LMO7: variants seen among roughly 807,000 people sequenced by gnomAD.
LMO7 encodes LIM domain only protein 7.
In LMO7, 120 loss-of-function variants were observed where a neutral mutation model predicts 206.5. The ratio of observed to expected loss-of-function variants is 0.58; its 90% CI spans 0.50 to 0.68. The LOEUF is 0.68. Ranked by LOEUF, LMO7 falls within the 30% of genes least tolerant of loss-of-function variation. The pLI, the probability that LMO7 is intolerant of heterozygous loss-of-function variation, is 0.00. For missense variants in LMO7, 1,959 were observed against 1,957.9 expected, an observed-to-expected ratio of 1.00 and a Z score of -0.01; for synonymous variants, 706 against 681.5, an observed-to-expected ratio of 1.04 and a Z score of -0.56.
chr13:75,772,937 C>T (rs1459527103), intron 4 of LMO7, among the ~76,000 whole-genome samples: 1 of 151,938 alleles, frequency 6.6e-6, no homozygotes, highest in African/African-American at 2.4e-5. Context: ...TTTTAATGAG[C>T]CTTCAGGTCT....
At chr13:75,717,385 A>G (rs533556690) in intron 2 of LMO7, among the ~76,000 whole-genome samples, 2 of 146,656 alleles carry the variant, frequency 1.4e-5, no homozygotes, top group Admixed American at 6.8e-5. Flanking sequence ...AAAAAAACAC[A>G]CAAACAAAAA....
At chr13:75,673,213 C>CT (rs977925087) in intron 1 of LMO7, among the ~76,000 whole-genome samples, 20 of 151,950 alleles carry the variant, frequency 1.3e-4, no homozygotes, top group African/African-American at 4.6e-4. Flanking sequence ...GTGAATTCAC[C>CT]TTTTTTTTCA....
chr13:75,758,618 TA>T (rs1431671769), intron 3 of LMO7, among the ~76,000 whole-genome samples: 2 of 152,234 alleles, frequency 1.3e-5, no homozygotes, highest in African/African-American at 4.8e-5. Context: ...CAACTAAGTA[TA>T]GTCACTTTAG....
intron 4 of LMO7, among the ~76,000 whole-genome samples, chr13:75,766,520 A>G (rs1351479239): frequency 6.6e-6 from 1 of 151,354 alleles, no homozygotes; most frequent in Non-Finnish European, 1.5e-5. Flanking sequence ...TTACACAGAC[A>G]TAGATAAGAT....
At chr13:75,677,947 C>T (rs921446763) in intron 1 of LMO7, among the ~76,000 whole-genome samples, 1 of 152,022 alleles carries the variant, frequency 6.6e-6, no homozygotes, top group Non-Finnish European at 1.5e-5. Flanking sequence ...CCAGCTTCAT[C>T]CATGTCCCTA....
At position 75,823,801 on chromosome 13, in the gene LMO7, A is replaced by G. The variant is rs1045204558; in HGVS notation, c.2877A>G (p.Thr959=). ...AATSKATLSS[T]SGLDLMSESG... is the part of the protein sequence containing the mutation. Reference sequence around the variant, plus strand: ...CTTCTAAAGCCACATTGTCTTCCACATCTGGTCTTGATTTAATGTCTGAAT... The same window carrying G: ...CTTCTAAAGCCACATTGTCTTCCACGTCTGGTCTTGATTTAATGTCTGAAT... Residue 959 remains threonine, a synonymous_variant, in exon 15 of 31, where the codon ACA becomes ACG. Coordinates refer to ENST00000377534, the MANE Select transcript of LMO7 (RefSeq NM_001306080.2). The G allele has an allele frequency of 3.1e-6, 5 of 1,613,950 alleles. No homozygotes were observed. The highest frequency in any genetic ancestry group is 2.7e-5 in the African/African-American group (2 of 74,922).
At chr13:75,851,291 G>T (rs2060488478) in intron 27 of LMO7, among the ~76,000 whole-genome samples, 1 of 152,184 alleles carries the variant, frequency 6.6e-6, no homozygotes, top group South Asian at 2.1e-4. Flanking sequence ...CTGTGTTGTG[G>T]AATAATCCAT....
At chr13:75,669,307 A>G (rs2039339748) in intron 1 of LMO7, among the ~76,000 whole-genome samples, 1 of 152,134 alleles carries the variant, frequency 6.6e-6, no homozygotes, top group Non-Finnish European at 1.5e-5. Flanking sequence ...ACTTCCAGAA[A>G]ACGTTGTGAC....
intron 4 of LMO7, chr13:75,788,852 G>A (rs1346358919): frequency 6.6e-6 from 1 of 152,426 alleles, no homozygotes; most frequent in East Asian, 1.9e-4. Context: ...TTTGAAGGGT[G>A]GGGTCTGTAG....
chr13:75,776,161 G>GGATATATATATATATATATATATATCGGA (rs2050384328), intron 4 of LMO7, among the ~76,000 whole-genome samples: 5 of 16,876 alleles, frequency 3.0e-4, no homozygotes, highest in Non-Finnish European at 6.6e-4. Flanking sequence ...TATATATATC[G>GGATATATATATATATATATATATATCGGA]GATATATATA....
At chr13:75,743,739 C>A (rs1187533525) in intron 3 of LMO7, among the ~76,000 whole-genome samples, 1 of 151,960 alleles carries the variant, frequency 6.6e-6, no homozygotes, top group Non-Finnish European at 1.5e-5. Flanking sequence ...GGAAAAATAA[C>A]AAATGAGTGC....
At position 75,838,208 on chromosome 13, in the gene LMO7, A is replaced by AG; in HGVS notation, c.3451+13dup. On this transcript the variant is annotated intron_variant, in intron 20 of 30. Coordinates refer to ENST00000377534, the MANE Select transcript of LMO7 (RefSeq NM_001306080.2). The stretch of plus-strand genomic sequence containing the variant: ...ATTTTTTGAACAAGGTAAACCACAA[A>AG]GCTAACAATTCATGCACTTTCATGG... The AG allele has an allele frequency of 6.2e-7, 1 of 1,602,948 alleles. No individual in the cohort carries two copies. Among genetic ancestry groups the AG allele is most frequent in the South Asian group, 1.1e-5 (1 of 90,738 alleles).
chr13:75,836,537 A>G (rs1304128408), intron 19 of LMO7, 80 bp downstream of exon 19: 1 of 751,258 alleles, frequency 1.3e-6, no homozygotes, highest in Non-Finnish European at 2.1e-6. Context: ...AAAAATTAAT[A>G]TCTGTGAGTG....
chr13:75,823,530 G>T, intron 14 of LMO7, 35 bp from the exon 15 acceptor site: 1 of 1,475,018 alleles, frequency 6.8e-7, no homozygotes, highest in South Asian at 1.2e-5. Context: ...AAAGGTAACA[G>T]AATATCAAGT....
At chr13:75,845,428 G>A in intron 26 of LMO7, 49 bp downstream of exon 26, 2 of 1,105,162 alleles carry the variant, frequency 1.8e-6, no homozygotes, top group Non-Finnish European at 2.8e-6. Context: ...CTTATTTGTG[G>A]TATCATGTTA....
chr13:75,764,627 G>C (rs2139813045), intron 4 of LMO7, among the ~76,000 whole-genome samples: 1 of 152,200 alleles, frequency 6.6e-6, no homozygotes, highest in South Asian at 2.1e-4. Context: ...TTTAACTTGG[G>C]CAATTTGACT....
intron 2 of LMO7, among the ~76,000 whole-genome samples, chr13:75,623,574 G>C (rs1355233964): frequency 6.6e-6 from 1 of 151,794 alleles, no homozygotes; most frequent in African/African-American, 2.4e-5. Flanking sequence ...TATTGGCTAG[G>C]CTGGTTTGGA....
Position 75,807,717 on chromosome 13 carries a change from C to A in LMO7, c.1434C>A (p.Leu478=). Residue 478 remains leucine (L), a synonymous_variant, in exon 10 of 31, where the codon CTC becomes CTA. Coordinates refer to ENST00000377534, the MANE Select transcript of LMO7 (RefSeq NM_001306080.2). ...TGAFHANPYV[L]RAFEDFRKFS... ...CTTTCCATGCAAATCCATATGTTCT[C>A]CGAGCTTTTGAAGACTTTAGAAAGT... is the stretch of plus-strand genomic sequence containing the variant. 6.2e-7 allele frequency: 1 copy of A among 1,613,970 alleles called. No individual in the cohort carries two copies.
At chr13:75,796,771 G>A in intron 6 of LMO7, 22 bp downstream of exon 6, 2 of 1,335,396 alleles carry the variant, frequency 1.5e-6, no homozygotes, top group Non-Finnish European at 1.1e-6. Context: ...ACATCTGTGT[G>A]AGATTACTGC....
Sources: allele counts gnomAD v4.1 joint callset (sites outside exome capture counted in the v4.1 genomes callset), GRCh38; gene constraint gnomAD v4.1.1; transcripts MANE v1.5; gene names NCBI Gene and HGNC (gene_info 2026-07-23, HGNC 2026-07-21).